The following LHCGR variants were observed in gnomAD, a reference collection of about 807,000 sequenced individuals.
LHCGR encodes the protein lutropin-choriogonadotropic hormone receptor.
Under a neutral mutation model 60.7 loss-of-function variants are expected in LHCGR, and 55 were observed. That is an observed-to-expected ratio of 0.91 (90% confidence interval 0.73 to 1.13). LHCGR has a LOEUF of 1.13. Ranked by LOEUF, LHCGR falls within the 50% of genes most tolerant of loss-of-function variation. The probability of loss-of-function intolerance (pLI) is 0.00; values close to 1 mark genes in which losing one functional copy is unlikely to be tolerated. For missense variants in LHCGR, 862 were observed against 836.0 expected, an observed-to-expected ratio of 1.03 and a Z score of -0.38; for synonymous variants, 337 against 316.5, an observed-to-expected ratio of 1.06 and a Z score of -0.69.
In LHCGR at chr2:48,723,635, A is replaced by T. The variant is rs530447495; in HGVS notation, c.445T>A (p.Ser149Thr). 1.2e-6 allele frequency: 2 copies of T among 1,613,684 alleles called. No individual in the cohort carries two copies. The highest frequency in any genetic ancestry group is 2.2e-5 in the East Asian group (1 of 44,860). The change falls in exon 5 of 11, where the codon TCA becomes ACA. Residue 149 changes from serine (S) to threonine (T), a missense_variant. By Grantham distance (58) the Ser-to-Thr change is moderately conservative (BLOSUM62 1). Transcript: ENST00000294954. ...PDVTKVFSSE[S>T]NFILEICDNL... ...CCTGGTACTTACAGAATGAAATTTG[A>T]TTCAGAGGAGAAGACCTTCGTAACA...
chr2:48,720,708 T>C (rs1227015736), intron 6 of LHCGR: 1 of 152,330 alleles, frequency 6.6e-6, no homozygotes, highest in Admixed American at 6.5e-5. Context: ...TCTGCCTTTC[T>C]CTGTATGTTG....
At chr2:48,735,168 C>T (rs1211285014) in intron 1 of LHCGR, among the ~76,000 whole-genome samples, 2 of 152,192 alleles carry the variant, frequency 1.3e-5, no homozygotes, top group Non-Finnish European at 2.9e-5. Context: ...TCCATCTACT[C>T]ATTAATCTCA....
intron 6 of LHCGR, among the ~76,000 whole-genome samples, chr2:48,719,400 C>T (rs1327485888): frequency 1.3e-5 from 2 of 152,158 alleles, no homozygotes; most frequent in Non-Finnish European, 2.9e-5. Context: ...CTGGAATCAT[C>T]ATGCCTTTCC....
At chr2:48,737,532 T>C (rs1487225257) in intron 1 of LHCGR, among the ~76,000 whole-genome samples, 1 of 152,198 alleles carries the variant, frequency 6.6e-6, no homozygotes, top group African/African-American at 2.4e-5. Context: ...TAGAATAAAA[T>C]AAAAATAGCT....
chr2:48,738,643 G>A (rs184639458), intron 1 of LHCGR, among the ~76,000 whole-genome samples: 34 of 152,188 alleles, frequency 2.2e-4, no homozygotes, highest in African/African-American at 5.5e-4. Flanking sequence ...GACTTGCACC[G>A]TCTCATATGG....
chr2:48,693,386 A>T (rs1666956446), intron 10 of LHCGR, among the ~76,000 whole-genome samples: 1 of 152,192 alleles, frequency 6.6e-6, no homozygotes, highest in Admixed American at 6.5e-5. Flanking sequence ...CTGTTACAGG[A>T]AGGTTACTTC....
intron 4 of LHCGR, among the ~76,000 whole-genome samples, chr2:48,724,762 A>G (rs1448078122): frequency 6.6e-6 from 1 of 152,162 alleles, no homozygotes; most frequent in Non-Finnish European, 1.5e-5. Flanking sequence ...GGAGGTTTGG[A>G]AAAACAGAAC....
intron 9 of LHCGR, among the ~76,000 whole-genome samples, chr2:48,697,183 CA>C (rs1667157691): frequency 6.6e-6 from 1 of 152,214 alleles, no homozygotes; most frequent in African/African-American, 2.4e-5. Context: ...TTTGTCTTCA[CA>C]TGAGCTATTC....
intron 7 of LHCGR, 89 bp from the exon 8 acceptor site, chr2:48,709,111 G>A (rs1212415215): frequency 4.1e-6 from 4 of 975,508 alleles, no homozygotes; most frequent in Non-Finnish European, 6.7e-6. Flanking sequence ...ACCAAGCTAT[G>A]TGCATGATGT....
intron 1 of LHCGR, among the ~76,000 whole-genome samples, chr2:48,735,870 T>TGTTGGAGGTGGGGCTTG (rs1484174327): frequency 1.3e-5 from 2 of 152,112 alleles, no homozygotes; most frequent in African/African-American, 4.8e-5. Context: ...TAATTCCCAG[T>TGTTGGAGGTGGGGCTTG]GTTGGAGGTG....
intron 3 of LHCGR, among the ~76,000 whole-genome samples, chr2:48,726,897 A>T (rs138029741): frequency 9.2e-5 from 14 of 152,344 alleles, no homozygotes; most frequent in African/African-American, 3.1e-4. Flanking sequence ...GTCTTCGGTC[A>T]CACAGCTGAG....
At chr2:48,693,895 A>G (rs550112176) in intron 10 of LHCGR, among the ~76,000 whole-genome samples, 12 of 152,212 alleles carry the variant, frequency 7.9e-5, no homozygotes, top group Non-Finnish European at 1.8e-4. Flanking sequence ...GTGACTAGGG[A>G]AAATTCTTAC....
At chr2:48,705,453 T>C (rs984543594) in intron 8 of LHCGR, among the ~76,000 whole-genome samples, 2 of 152,202 alleles carry the variant, frequency 1.3e-5, no homozygotes, top group Admixed American at 6.5e-5. Context: ...CTTGTTAATT[T>C]TGTGTCTCAT....
At chr2:48,722,107 G>A (rs1033571947) in intron 6 of LHCGR, among the ~76,000 whole-genome samples, 15 of 151,952 alleles carry the variant, frequency 9.9e-5, no homozygotes, top group East Asian at 3.9e-4. Flanking sequence ...CCAAGATTGC[G>A]CCACTGCACT....
chr2:48,716,630 C>G (rs781482236), intron 6 of LHCGR, among the ~76,000 whole-genome samples: 1 of 152,156 alleles, frequency 6.6e-6, no homozygotes, highest in Non-Finnish European at 1.5e-5. Context: ...TGCCTGTTGT[C>G]TTGCATAATT....
At chr2:48,752,981 C>CGGGGGGGGGGGGGTGGGGG (rs1553400335) in intron 1 of LHCGR, among the ~76,000 whole-genome samples, 1 of 7,630 alleles carries the variant, frequency 1.3e-4, no homozygotes, top group Non-Finnish European at 2.6e-4. Flanking sequence ...CGGATTTTGG[C>CGGGGGGGGGGGGGTGGGGG]GGGGGGGGGG....
chr2:48,724,292 C>G (rs1321622490), intron 4 of LHCGR, among the ~76,000 whole-genome samples: 1 of 152,176 alleles, frequency 6.6e-6, no homozygotes. Context: ...TATTTAGCCT[C>G]TGAAGAGGAG....
At position 48,723,534 on chromosome 2, in the gene LHCGR, C is replaced by G; in HGVS notation, c.459-1G>C. The G allele has an allele frequency of 1.2e-6, 2 of 1,612,312 alleles. No homozygotes were observed. The highest frequency in any genetic ancestry group is 2.2e-5 in the East Asian group (1 of 44,844). On this transcript the variant is annotated splice_acceptor_variant, in intron 5 of 10. Transcript: ENST00000294954. LOFTEE classifies it high-confidence loss of function. ...TATGTGTAAGTTATCACAAATTTCC[C>G]TTGAGGAAAGAAATGAGAAATATTT...
intron 3 of LHCGR, 40 bp from the exon 4 acceptor site, chr2:48,725,790 G>C (rs2104455992): frequency 1.4e-6 from 2 of 1,448,824 alleles, no homozygotes; most frequent in East Asian, 4.5e-5. Flanking sequence ...CTGTTTAATA[G>C]ATGTGTATTG....
Sources: gnomAD v4.1 joint callset for allele counts (sites outside exome capture counted in the v4.1 genomes callset) on GRCh38, gnomAD v4.1.1 for gene constraint, MANE v1.5 for transcripts, NCBI Gene and HGNC (gene_info 2026-07-23, HGNC 2026-07-21) for gene names.